The following GRTP1 variants were observed in gnomAD, a reference collection of about 807,000 sequenced individuals.
The protein encoded by GRTP1 is growth hormone-regulated TBC protein 1.
A neutral mutation model predicts 38.1 loss-of-function variants in GRTP1; 56 were observed. The observed-to-expected ratio is 1.47, with a 90% confidence interval of 1.19 to 1.84. GRTP1 has a LOEUF of 1.84. GRTP1 is among the 40% of genes most tolerant of loss of function. The pLI, the probability that GRTP1 is intolerant of heterozygous loss-of-function variation, is 0.00. For missense variants in GRTP1, 506 were observed against 453.9 expected, an observed-to-expected ratio of 1.11 and a Z score of -1.04; for synonymous variants, 217 against 189.5, an observed-to-expected ratio of 1.14 and a Z score of -1.19.
chr13:113,352,337 T>TTATATATATAGTTATATATATTTTATA (rs2043295865), intron 3 of GRTP1, among the ~76,000 whole-genome samples: 1 of 51,560 alleles, frequency 1.9e-5, no homozygotes, highest in Non-Finnish European at 3.8e-5. Flanking sequence ...TATATATATT[T>TTATATATATAGTTATATATATTTTATA]TATATATATA....
intron 5 of GRTP1, among the ~76,000 whole-genome samples, chr13:113,328,757 CA>C (rs1361653300): frequency 6.6e-6 from 1 of 152,156 alleles, no homozygotes; most frequent in African/African-American, 2.4e-5. Context: ...CCTGGGCAGC[CA>C]AAACATTAAA....
chr13:113,348,494 C>T lies in GRTP1; in HGVS notation c.465+2355G>A, dbSNP rs996168868. On this transcript the variant is annotated intron_variant, in intron 4 of 7. Coordinates refer to ENST00000375431, the MANE Select transcript of GRTP1 (RefSeq NM_024719.4). The surrounding 1 kb of genome is among the most constrained non-coding windows in gnomAD (Gnocchi z 4.8). ...ATGCCACACATTGAACTGTGTTGCC[C>T]GCCCCAAAATTCATCTGTTGAAGTC... Among the ~76,000 whole-genome samples the T allele has an allele frequency of 1.3e-5, 2 of 152,114 alleles. No homozygotes were observed. The highest frequency in any genetic ancestry group is 2.4e-5 in the African/African-American group (1 of 41,430).
chr13:113,355,197 C>T (rs894719164), intron 3 of GRTP1, 126 bp downstream of exon 3: 11 of 880,274 alleles, frequency 1.2e-5, no homozygotes, highest in Admixed American at 4.8e-5. Flanking sequence ...TGGAGGAAGA[C>T]GTAACTTCAA....
chr13:113,340,443 C>T (rs935440506), intron 5 of GRTP1, among the ~76,000 whole-genome samples: 1 of 151,944 alleles, frequency 6.6e-6, no homozygotes, highest in Non-Finnish European at 1.5e-5. Flanking sequence ...CACACCACTG[C>T]ACTCCAGCCT....
At chr13:113,326,372 C>CCG (rs1364663797) in intron 5 of GRTP1, among the ~76,000 whole-genome samples, 97 of 1,976 alleles carry the variant, frequency 0.049, 1 homozygote, top group African/African-American at 0.15. Flanking sequence ...TGGAGGGTGG[C>CCG]GCGGTGGGGG....
At chr13:113,357,140 T>C (rs113301470) in intron 2 of GRTP1, among the ~76,000 whole-genome samples, 132 of 115,534 alleles carry the variant, frequency 1.1e-3, no homozygotes, top group African/African-American at 3.1e-3. Flanking sequence ...TGAAACCCTG[T>C]CTCTACAAAA....
chr13:113,326,861 G>A (rs1202882687), intron 5 of GRTP1, among the ~76,000 whole-genome samples: 1 of 152,184 alleles, frequency 6.6e-6, no homozygotes, highest in African/African-American at 2.4e-5. Flanking sequence ...CTTAGAAAGG[G>A]AGGAAGTCAG....
At position 113,349,362 on chromosome 13, in the gene GRTP1, A is replaced by G. The variant is rs1163181283; in HGVS notation, c.465+1487T>C. Among the ~76,000 whole-genome samples, 1 of 149,002 alleles carries G rather than the reference A, an allele frequency of 6.7e-6. No homozygotes were observed. The highest frequency in any genetic ancestry group is 2.5e-5 in the African/African-American group (1 of 40,076). ...TGCCACCACACCCCGCTAATTTTTA[A>G]AAATATTTTGTAGAGATGGAGTCTT... is the stretch of plus-strand genomic sequence containing the variant. On this transcript the variant is annotated intron_variant, in intron 4 of 7. Coordinates refer to ENST00000375431, the MANE Select transcript of GRTP1 (RefSeq NM_024719.4). The surrounding 1 kb of genome is among the most constrained non-coding windows in gnomAD (Gnocchi z 5.0).
chr13:113,358,824 A>C (rs1403285694), intron 2 of GRTP1, among the ~76,000 whole-genome samples: 2 of 152,214 alleles, frequency 1.3e-5, no homozygotes, highest in Non-Finnish European at 2.9e-5. Flanking sequence ...TGGGAATGCA[A>C]AATTTACAGC....
intron 5 of GRTP1, among the ~76,000 whole-genome samples, chr13:113,334,923 C>T (rs954498454): frequency 6.6e-6 from 1 of 152,214 alleles, no homozygotes; most frequent in East Asian, 1.9e-4. Context: ...CCCGGGTTCA[C>T]GCCATTCTTC....
At chr13:113,352,280 ATT>A (rs144650542) in intron 3 of GRTP1, among the ~76,000 whole-genome samples, 2 of 19,958 alleles carry the variant, frequency 1.0e-4, no homozygotes, top group Non-Finnish European at 1.8e-4. Context: ...TTTTATATAT[ATT>A]TATATATATT....
intron 5 of GRTP1, among the ~76,000 whole-genome samples, chr13:113,337,600 G>A (rs6577040): frequency 0.97 from 148,240 of 152,348 alleles, 72,256 homozygotes; most frequent in East Asian, 1. Context: ...ACCCTCTCAC[G>A]GAATAAGCTC....
At chr13:113,327,346 A>C (rs552297563) in intron 5 of GRTP1, among the ~76,000 whole-genome samples, 1 of 152,210 alleles carries the variant, frequency 6.6e-6, no homozygotes, top group African/African-American at 2.4e-5. Context: ...GCCCAAGCTA[A>C]TTTTTGTATT....
At chr13:113,339,797 TATG>T (rs1269994306) in intron 5 of GRTP1, 1 of 152,224 alleles carries the variant, frequency 6.6e-6, no homozygotes, top group Non-Finnish European at 1.5e-5. Context: ...GATTATTCCA[TATG>T]ATTAAGCCAT....
chr13:113,346,094 A>C (rs55999281), intron 4 of GRTP1, among the ~76,000 whole-genome samples: 849 of 55,712 alleles, frequency 0.015, 145 homozygotes, highest in Non-Finnish European at 0.017. Flanking sequence ...CTGGGAAGAC[A>C]TCTGTGGCCG....
rs1425130908 is a variant in GRTP1, at chr13:113,324,463, C to T, written c.*25G>A. The T allele has an allele frequency of 7.6e-6, 12 of 1,580,698 alleles. No homozygotes were observed. Among genetic ancestry groups the T allele is most frequent in the South Asian group, 2.3e-5 (2 of 86,326 alleles). On this transcript the variant is annotated 3_prime_UTR_variant, in exon 8 of 8. Transcript: ENST00000375431. Reference sequence around the variant, plus strand: ...GAAAGGGGCATCGTCAGTGTAGAGACGAGCAACGCAGGGGACAGGCACGCT... The same window carrying T: ...GAAAGGGGCATCGTCAGTGTAGAGATGAGCAACGCAGGGGACAGGCACGCT...
In GRTP1 at chr13:113,346,094, A is replaced by AGACCCAGGAGGATC. The variant is rs1468473193; in HGVS notation, c.466-1136_466-1135insGATCCTCCTGGGTC. Among the ~76,000 whole-genome samples, 15 of 55,896 alleles carry AGACCCAGGAGGATC rather than the reference A, an allele frequency of 2.7e-4. 5 individuals are homozygous for AGACCCAGGAGGATC. The highest frequency in any genetic ancestry group is 5.0e-4 in the Non-Finnish European group (14 of 27,792). 36.7% of individuals were successfully genotyped at this position (55,896 alleles called of 152,430 possible). A position where few individuals can be genotyped will look rare whatever the true frequency, so the allele number is the denominator to read the frequency against. ...TGCGGCTGAGCAGACCTGGGAAGAC[A>AGACCCAGGAGGATC]TCTGTGGCCGAGAACAGACCCGGGA... On this transcript the variant is annotated intron_variant, in intron 4 of 7. Coordinates refer to ENST00000375431, the MANE Select transcript of GRTP1 (RefSeq NM_024719.4).
At chr13:113,328,302 A>G (rs1037353227) in intron 5 of GRTP1, among the ~76,000 whole-genome samples, 2 of 152,180 alleles carry the variant, frequency 1.3e-5, no homozygotes, top group Non-Finnish European at 2.9e-5. Flanking sequence ...ACTCCCCTGC[A>G]CACCCCTCAG....
At chr13:113,329,619 C>T (rs1418766558) in intron 5 of GRTP1, among the ~76,000 whole-genome samples, 2 of 152,122 alleles carry the variant, frequency 1.3e-5, no homozygotes. Flanking sequence ...TAAATTACTG[C>T]AAGATGTGTG....
Sources: allele counts gnomAD v4.1 joint callset (sites outside exome capture counted in the v4.1 genomes callset), GRCh38; gene constraint gnomAD v4.1.1; non-coding constraint Gnocchi (gnomAD v3.1); transcripts MANE v1.5; gene names NCBI Gene and HGNC (gene_info 2026-07-23, HGNC 2026-07-21).